CD8B: variants seen among roughly 807,000 people sequenced by gnomAD.
The protein encoded by CD8B is T-cell surface glycoprotein CD8 beta chain.
CD8B carries 6 observed loss-of-function variants against 24.2 expected under a neutral mutation model. That is an observed-to-expected ratio of 0.25 (90% CI 0.14 to 0.49). The LOEUF is 0.49. Ranked by LOEUF, CD8B falls within the 20% of genes least tolerant of loss-of-function variation. CD8B has a pLI of 0.98. For synonymous variants in CD8B, 84 were observed against 108.3 expected, an observed-to-expected ratio of 0.78 and a Z score of 1.39; for missense variants, 196 against 271.3, an observed-to-expected ratio of 0.72 and a Z score of 1.95.
intron 4 of CD8B, 64 bp downstream of exon 4, chr2:86,846,620 A>G (rs4971887): frequency 0.62 from 438,820 of 704,202 alleles, 144,503 homozygotes; most frequent in East Asian, 0.83. Flanking sequence ...AGAGAAGAAA[A>G]TATCCCAGGG....
At chr2:86,847,075 T>C (rs1399965843) in intron 3 of CD8B, among the ~76,000 whole-genome samples, 1 of 151,690 alleles carries the variant, frequency 6.6e-6, no homozygotes, top group African/African-American at 2.4e-5. Flanking sequence ...TAGCTGGGAC[T>C]ACAGGCATGT....
At position 86,840,412 on chromosome 2, in the gene CD8B, C is replaced by G. The variant is rs985998888; in HGVS notation, c.*1895G>C. On this transcript the variant is annotated 3_prime_UTR_variant, in exon 6 of 6. Transcript: ENST00000390655. ...AGGCTACTCTCCCTACAACCCTCCC[C>G]CTTCCACTGCATCTCAGATGGAAAG... 5.3e-5 allele frequency among the ~76,000 whole-genome samples: 8 copies of G among 152,222 alleles called. No individual in the cohort carries two copies. The highest frequency in any genetic ancestry group is 1.9e-4 in the African/African-American group (8 of 41,454).
Position 86,817,175 on chromosome 2 carries a change from C to T in CD8B, c.621-1457G>A, listed in dbSNP as rs182688608. On this transcript the variant is annotated intron_variant, in intron 5 of 5. Transcript: ENST00000331469. ...ACATCAAGCATGAGGGAGGATATGA[C>T]CAAATAACTGTGATGCAGTGTTGAT... Among the ~76,000 whole-genome samples the T allele has an allele frequency of 8.3e-4, 127 of 152,162 alleles. 3 individuals carry two copies. The South Asian group carries it at 0.019, about 22-fold the overall frequency.
At chr2:86,827,179 CA>C (rs1674723596) in intron 5 of CD8B, among the ~76,000 whole-genome samples, 1 of 151,590 alleles carries the variant, frequency 6.6e-6, no homozygotes, top group Non-Finnish European at 1.5e-5. Context: ...AGACTGTGCT[CA>C]AGTGTAAGCC....
chr2:86,826,309 G>A (rs1307359092), intron 5 of CD8B, among the ~76,000 whole-genome samples: 1 of 152,002 alleles, frequency 6.6e-6, no homozygotes, highest in Admixed American at 6.6e-5. Flanking sequence ...TAATGCCCAC[G>A]AGCTCCTCTC....
chr2:86,861,218 G>A (rs1227222912), intron 1 of CD8B, among the ~76,000 whole-genome samples: 2 of 152,052 alleles, frequency 1.3e-5, no homozygotes, highest in Admixed American at 1.3e-4. Flanking sequence ...TTATTCAGAA[G>A]GACAATCCAG....
At chr2:86,850,459 GCT>G (rs1340361812) in intron 3 of CD8B, among the ~76,000 whole-genome samples, 3 of 152,170 alleles carry the variant, frequency 2.0e-5, no homozygotes, top group African/African-American at 7.2e-5. Flanking sequence ...CGCCCCACAA[GCT>G]CTGAGTGCCT....
chr2:86,823,991 A>ATGTGTGTGTGTGTG (rs141618198), intron 5 of CD8B, among the ~76,000 whole-genome samples: 1 of 149,974 alleles, frequency 6.7e-6, no homozygotes, highest in East Asian at 2.0e-4. Context: ...TTTGTACAGC[A>ATGTGTGTGTGTGTG]TGTGTGTGTG....
intron 1 of CD8B, among the ~76,000 whole-genome samples, chr2:86,860,477 C>T (rs1411532117): frequency 1.3e-5 from 2 of 152,044 alleles, no homozygotes; most frequent in Non-Finnish European, 2.9e-5. Context: ...TGAGCTGTGC[C>T]TGGCATGGCG....
intron 5 of CD8B, among the ~76,000 whole-genome samples, chr2:86,822,575 T>C (rs182563312): frequency 6.6e-6 from 1 of 152,226 alleles, no homozygotes; most frequent in African/African-American, 2.4e-5. Context: ...AAACATACAT[T>C]CAGCATGATT....
intron 1 of CD8B, among the ~76,000 whole-genome samples, chr2:86,860,522 G>A (rs974327953): frequency 6.6e-6 from 1 of 152,196 alleles, no homozygotes; most frequent in Non-Finnish European, 1.5e-5. Context: ...ACCAAATCCT[G>A]TGGGGGAGAT....
At position 86,816,677 on chromosome 2, in the gene CD8B, G is replaced by A. The variant is rs772832811; in HGVS notation, c.621-959C>T. Among the ~76,000 whole-genome samples, 8 of 152,186 alleles carry A rather than the reference G, an allele frequency of 5.3e-5. No homozygotes were observed. In the East Asian group the frequency reaches 5.8e-4, roughly 11 times the overall value. ...CATTGGCTTCCCATGTGGGAAAAAC[G>A]TAAAACTTGAACTCTATCTCAAACC... On this transcript the variant is annotated intron_variant, in intron 5 of 5. Coordinates refer to the CD8B transcript ENST00000331469.
At chr2:86,850,371 C>T (rs1675915572) in intron 3 of CD8B, among the ~76,000 whole-genome samples, 1 of 152,086 alleles carries the variant, frequency 6.6e-6, no homozygotes, top group Non-Finnish European at 1.5e-5. Flanking sequence ...AGGAACAGAC[C>T]TAAGCCTCAA....
chr2:86,834,341 A>G (rs2104524531), downstream of CD8B, among the ~76,000 whole-genome samples: 1 of 152,154 alleles, frequency 6.6e-6, no homozygotes, highest in South Asian at 2.1e-4. Context: ...TGCAAATGAC[A>G]GATTATTATT....
chr2:86,858,611 C>T (rs1011132098), intron 1 of CD8B, among the ~76,000 whole-genome samples, 195 bp from the exon 2 acceptor site: 3 of 138,336 alleles, frequency 2.2e-5, no homozygotes, highest in Admixed American at 2.1e-4. Flanking sequence ...AGGAGATCAT[C>T]TGGAAGGGAG....
chr2:86,853,224 T>C, intron 2 of CD8B, 138 bp from the exon 3 acceptor site: 2 of 1,421,350 alleles, frequency 1.4e-6, no homozygotes, highest in Non-Finnish European at 1.9e-6. Flanking sequence ...AGGAGATCAT[T>C]TGAGCTCAGG....
intron 3 of CD8B, among the ~76,000 whole-genome samples, chr2:86,849,705 T>TG (rs1399300705): frequency 6.9e-6 from 1 of 145,796 alleles, no homozygotes; most frequent in Non-Finnish European, 1.5e-5. Flanking sequence ...ACTAAGGTGT[T>TG]TTTTTTTTTT....
chr2:86,842,454 T>C (rs1459424649), intron 5 of CD8B, 135 bp from the exon 6 acceptor site: 1 of 1,135,718 alleles, frequency 8.8e-7, no homozygotes, highest in Non-Finnish European at 1.2e-6. Context: ...TTTTTGTTAG[T>C]ATGTTTCTAG....
exon 6 of CD8B, chr2:86,815,659 C>T: frequency 2.5e-6 from 4 of 1,613,776 alleles, no homozygotes; most frequent in African/African-American, 1.3e-5. Context: ...TGTAGTATTG[C>T]TGTAGTATCC....
Sources: gnomAD v4.1 joint callset for allele counts (sites outside exome capture counted in the v4.1 genomes callset) on GRCh38, gnomAD v4.1.1 for gene constraint, MANE v1.5 for transcripts, NCBI Gene and HGNC (gene_info 2026-07-23, HGNC 2026-07-21) for gene names.